SMG6: variants seen among roughly 807,000 people sequenced by gnomAD.
The protein encoded by SMG6 is telomerase-binding protein EST1A.
Under a neutral mutation model 142.2 loss-of-function variants are expected in SMG6, and 66 were observed. The observed-to-expected ratio is 0.46, with a 90% CI of 0.38 to 0.57. SMG6 has a LOEUF of 0.57. SMG6 is among the 20% of genes least tolerant of loss of function. The pLI, the probability that SMG6 is intolerant of heterozygous loss-of-function variation, is 0.00. For missense variants in SMG6, 1,793 were observed against 1,832.0 expected, an observed-to-expected ratio of 0.98 and a Z score of 0.39; for synonymous variants, 779 against 702.4, an observed-to-expected ratio of 1.11 and a Z score of -1.72.
intron 2 of SMG6, among the ~76,000 whole-genome samples, chr17:2,298,378 A>C (rs2075190818): frequency 6.6e-6 from 1 of 152,152 alleles, no homozygotes; most frequent in South Asian, 2.1e-4. Context: ...TGATCCCTTA[A>C]AGATAATTTT....
At chr17:2,287,827 T>C (rs1052467330) in intron 6 of SMG6, among the ~76,000 whole-genome samples, 2 of 152,208 alleles carry the variant, frequency 1.3e-5, no homozygotes, top group South Asian at 2.1e-4. Flanking sequence ...ATTCCACTTA[T>C]ATGAGGTACC....
intron 10 of SMG6, among the ~76,000 whole-genome samples, chr17:2,225,029 A>T (rs1295200647): frequency 6.6e-6 from 1 of 152,254 alleles, no homozygotes; most frequent in Non-Finnish European, 1.5e-5. Flanking sequence ...AGGGTAAAAT[A>T]AAGCATTTTC....
intron 13 of SMG6, among the ~76,000 whole-genome samples, chr17:2,099,639 A>T (rs992506408): frequency 6.6e-6 from 1 of 152,186 alleles, no homozygotes; most frequent in Non-Finnish European, 1.5e-5. Context: ...AATCACAAAC[A>T]TGACCCATGC....
At chr17:2,267,991 C>T (rs1397110724) in intron 8 of SMG6, among the ~76,000 whole-genome samples, 3 of 152,150 alleles carry the variant, frequency 2.0e-5, no homozygotes, top group Admixed American at 6.5e-5. Context: ...TCGGGATCCG[C>T]CTGCCTTGGC....
chr17:2,161,742 C>G lies in SMG6; in HGVS notation c.3357+10916G>C, dbSNP rs570871202. On this transcript the variant is annotated intron_variant, in intron 13 of 18. Transcript: ENST00000263073. ...CTAAAAAAAAAAAAAATCAAATTCT[C>G]TCTTCAAAGACTCAAATTCTAGACT... is the stretch of plus-strand genomic sequence containing the variant. Among the ~76,000 whole-genome samples, 16 of 152,152 alleles carry G rather than the reference C, an allele frequency of 1.1e-4. No homozygotes were observed. In the East Asian group the frequency reaches 2.7e-3, roughly 26 times the overall value.
intron 17 of SMG6, 66 bp from the exon 18 acceptor site, chr17:2,065,220 G>A (rs1327989059): frequency 1.5e-5 from 19 of 1,280,248 alleles, no homozygotes; most frequent in Non-Finnish European, 2.1e-5. Flanking sequence ...GGAGGAGGAG[G>A]GATCCTCTGC....
intron 8 of SMG6, among the ~76,000 whole-genome samples, chr17:2,271,748 A>G (rs1465390152): frequency 6.6e-6 from 1 of 151,990 alleles, no homozygotes; most frequent in Non-Finnish European, 1.5e-5. Context: ...AAAGCTGTAA[A>G]TTTTTTTTAA....
chr17:2,185,510 AG>A (rs2151685060), intron 12 of SMG6, among the ~76,000 whole-genome samples: 1 of 152,132 alleles, frequency 6.6e-6, no homozygotes, highest in Non-Finnish European at 1.5e-5. Context: ...AAAAAGAAAA[AG>A]AAAAAGGTAT....
intron 9 of SMG6, among the ~76,000 whole-genome samples, chr17:2,243,327 T>C (rs144943657): frequency 2.1e-4 from 32 of 152,254 alleles, no homozygotes; most frequent in African/African-American, 7.5e-4. Context: ...GCCTTTCCGC[T>C]TCTCAAAAAA....
At chr17:2,291,311 A>G (rs1017259462) in intron 6 of SMG6, among the ~76,000 whole-genome samples, 2 of 151,926 alleles carry the variant, frequency 1.3e-5, no homozygotes, top group African/African-American at 4.8e-5. Flanking sequence ...AGCCTGAGCG[A>G]CAGAGCGAGA....
At chr17:2,073,821 G>A (rs563168533) in intron 15 of SMG6, among the ~76,000 whole-genome samples, 5 of 150,432 alleles carry the variant, frequency 3.3e-5, no homozygotes, top group Non-Finnish European at 5.9e-5. Context: ...GCACGTGCTT[G>A]TAATCCCAGC....
At chr17:2,228,256 A>C in intron 10 of SMG6, among the ~76,000 whole-genome samples, 1 of 148,348 alleles carries the variant, frequency 6.7e-6, no homozygotes, top group African/African-American at 2.5e-5. Context: ...ACGGAGCCTC[A>C]CTCTGTTTGT....
intron 8 of SMG6, among the ~76,000 whole-genome samples, chr17:2,263,140 C>G (rs1204828247): frequency 6.6e-6 from 1 of 152,136 alleles, no homozygotes; most frequent in Non-Finnish European, 1.5e-5. Flanking sequence ...TTGGCTACAA[C>G]CTCTGGAACA....
At chr17:2,292,475 G>C in intron 6 of SMG6, 77 bp downstream of exon 6, 1 of 1,382,716 alleles carries the variant, frequency 7.2e-7, no homozygotes. Context: ...TGAAGCTCCA[G>C]GAACTGATAT....
In SMG6 at chr17:2,085,642, T is replaced by A. The variant is rs1176912425; in HGVS notation, c.3534+83A>T. On this transcript the variant is annotated intron_variant, in intron 14 of 18. Transcript: ENST00000263073. This position sits in a 1 kb window ranked among gnomAD's most constrained non-coding sequence, Gnocchi z 4.1. The stretch of plus-strand genomic sequence containing the variant: ...AGACGCTGTTCTCTGTGCTCATAAA[T>A]AAGCAGGAGGAAAAGCTGAAGCCAC... 7.4e-7 allele frequency: 1 copy of A among 1,358,778 alleles called. No homozygotes were observed. Among genetic ancestry groups the A allele is most frequent in the East Asian group, 2.3e-5 (1 of 43,476 alleles). The allele number at this position is 1,358,778 out of a possible 1,614,324, so 84.2% of individuals were successfully genotyped here. A position where few individuals can be genotyped will look rare whatever the true frequency, so the allele number is the denominator to read the frequency against.
intron 14 of SMG6, among the ~76,000 whole-genome samples, chr17:2,084,162 T>C (rs1470791153): frequency 6.6e-6 from 1 of 152,206 alleles, no homozygotes; most frequent in Non-Finnish European, 1.5e-5. Context: ...AGGGCATCTT[T>C]GGGCAAGCCT....
intron 10 of SMG6, among the ~76,000 whole-genome samples, chr17:2,219,476 C>A (rs1296852773): frequency 6.6e-6 from 1 of 151,920 alleles, no homozygotes; most frequent in East Asian, 1.9e-4. Flanking sequence ...AGAGTGTAAG[C>A]TGATACACCT....
intron 13 of SMG6, among the ~76,000 whole-genome samples, chr17:2,155,813 T>C (rs950461763): frequency 6.6e-6 from 1 of 152,222 alleles, no homozygotes; most frequent in Non-Finnish European, 1.5e-5. Flanking sequence ...TGGAGGAAGC[T>C]GCCATGTCTA....
Position 2,200,246 on chromosome 17 carries a change from G to A in SMG6, c.2870-11731C>T, listed in dbSNP as rs1025443572. 3.3e-5 allele frequency among the ~76,000 whole-genome samples: 5 copies of A among 152,014 alleles called. No individual in the cohort carries two copies. The East Asian group carries it at 7.8e-4, about 24-fold the overall frequency. On this transcript the variant is annotated intron_variant, in intron 10 of 18. Transcript: ENST00000263073. ...AAAAAAAACTTTTTGTTTTTTTTAAGTGCCAGCAGTAAATGAATTTTATTT... is the reference window on the plus strand; with the variant it reads ...AAAAAAAACTTTTTGTTTTTTTTAAATGCCAGCAGTAAATGAATTTTATTT...
Sources: allele counts gnomAD v4.1 joint callset (sites outside exome capture counted in the v4.1 genomes callset), GRCh38; gene constraint gnomAD v4.1.1; non-coding constraint Gnocchi (gnomAD v3.1); transcripts MANE v1.5; gene names NCBI Gene and HGNC (gene_info 2026-07-23, HGNC 2026-07-21).